The following RHOBTB1 variants were observed in gnomAD, a reference collection of about 807,000 sequenced individuals.
RHOBTB1 encodes rho-related BTB domain-containing protein 1.
A neutral mutation model predicts 71.6 loss-of-function variants in RHOBTB1; 40 were observed. The observed-to-expected ratio is 0.56, with a 90% CI of 0.43 to 0.73. The LOEUF (loss-of-function observed/expected upper bound fraction) is 0.73. Ranked by LOEUF, RHOBTB1 falls within the 30% of genes least tolerant of loss-of-function variation. The probability of loss-of-function intolerance (pLI) is 0.00; values close to 1 mark genes in which losing one functional copy is unlikely to be tolerated. For synonymous variants in RHOBTB1, 319 were observed against 334.9 expected (o/e 0.95, Z 0.52); for missense variants, 797 against 894.0 (o/e 0.89, Z 1.38).
At position 60,905,648 on chromosome 10, in the gene RHOBTB1, G is replaced by T. The variant is rs988876378; in HGVS notation, c.296+5239C>A. On this transcript the variant is annotated intron_variant, in intron 4 of 10. Transcript: ENST00000337910. ...ATTATTTACATTTTATGCCCAAAGC[G>T]AGTGACTCCCTCAGTATGCCCTAGT... Among the ~76,000 whole-genome samples, 9 of 151,936 alleles carry T rather than the reference G, an allele frequency of 5.9e-5. No individual in the cohort carries two copies. In the South Asian group the frequency reaches 1.9e-3, roughly 32 times the overall value.
chr10:60,905,685 TCCAC>T (rs2082643619), intron 4 of RHOBTB1, among the ~76,000 whole-genome samples: 1 of 152,070 alleles, frequency 6.6e-6, no homozygotes, highest in Non-Finnish European at 1.5e-5. Context: ...CTGGCCCTGG[TCCAC>T]CTCCTGGTCC....
intron 1 of RHOBTB1, among the ~76,000 whole-genome samples, chr10:60,991,947 A>G (rs1238353255): frequency 6.6e-6 from 1 of 152,142 alleles, no homozygotes; most frequent in Non-Finnish European, 1.5e-5. Flanking sequence ...CTTCTAGTCC[A>G]TAGGCTAAAT....
chr10:60,979,213 T>C (rs1348651576), intron 2 of RHOBTB1, among the ~76,000 whole-genome samples: 1 of 152,202 alleles, frequency 6.6e-6, no homozygotes, highest in Non-Finnish European at 1.5e-5. Flanking sequence ...TATTTTCATC[T>C]GTATCTACCT....
At chr10:60,876,251 A>G (rs1268277082) in intron 8 of RHOBTB1, among the ~76,000 whole-genome samples, 2 of 152,236 alleles carry the variant, frequency 1.3e-5, no homozygotes, top group Non-Finnish European at 2.9e-5. Context: ...TCTACACTAG[A>G]CAGTACAAAG....
chr10:60,996,406 C>G (rs2135026228), intron 1 of RHOBTB1, among the ~76,000 whole-genome samples: 1 of 152,306 alleles, frequency 6.6e-6, no homozygotes, highest in South Asian at 2.1e-4. Context: ...CTAAATTCTA[C>G]TGCTCTTTAA....
upstream of RHOBTB1, among the ~76,000 whole-genome samples, chr10:60,945,533 C>T (rs2085188082): frequency 6.6e-6 from 1 of 152,092 alleles, no homozygotes; most frequent in Non-Finnish European, 1.5e-5. Context: ...TCCAGGAAAC[C>T]GTCTTCAGTT....
At chr10:60,927,801 T>C (rs1310029569) in intron 2 of RHOBTB1, among the ~76,000 whole-genome samples, 14 of 152,188 alleles carry the variant, frequency 9.2e-5, no homozygotes, top group Non-Finnish European at 1.6e-4. Flanking sequence ...GACATTGGGC[T>C]GGACAAAGAT....
rs2080688732 is a variant in RHOBTB1 at position 60,869,657 on chromosome 10, A to T, written c.*1825T>A. 6.6e-6 allele frequency: 1 copy of T among 152,634 alleles called. No individual in the cohort carries two copies. The highest frequency in any genetic ancestry group is 1.5e-5 in the Non-Finnish European group (1 of 68,044). 9.5% of individuals were successfully genotyped at this position (152,634 alleles called of 1,614,324 possible). ...AATCAAATGGGAGCTTTGGTTGTAA[A>T]ATTTCAACTATGACTACTCATTGAA... On this transcript the variant is annotated 3_prime_UTR_variant, in exon 11 of 11. Coordinates refer to ENST00000337910, the MANE Select transcript of RHOBTB1 (RefSeq NM_014836.5).
At chr10:60,945,059 T>A (rs2085166805), upstream of RHOBTB1, among the ~76,000 whole-genome samples, 1 of 152,126 alleles carries the variant, frequency 6.6e-6, no homozygotes, top group Admixed American at 6.5e-5. Context: ...CCAGGGGTAG[T>A]TTTCATGCAT....
intron 4 of RHOBTB1, among the ~76,000 whole-genome samples, chr10:60,909,582 C>A (rs896258283): frequency 7.2e-5 from 11 of 152,146 alleles, no homozygotes; most frequent in African/African-American, 2.7e-4. Flanking sequence ...ACCTGACTGC[C>A]CAGCAGTTAC....
chr10:60,931,029 T>C (rs925956056), intron 2 of RHOBTB1, among the ~76,000 whole-genome samples: 4 of 152,034 alleles, frequency 2.6e-5, no homozygotes, highest in Non-Finnish European at 4.4e-5. Flanking sequence ...CAACAATACA[T>C]GAAAAACAAA....
At chr10:60,864,210 C>T in the RHOBTB1 span, among the ~76,000 whole-genome samples, 1,054 of 152,264 alleles carry the variant, frequency 6.9e-3, 15 homozygotes, top group African/African-American at 0.024. Flanking sequence ...GAATCTTCAC[C>T]TCAGGCTCTG....
chr10:60,869,175 G>A (rs953262609), downstream of RHOBTB1, among the ~76,000 whole-genome samples: 5 of 152,106 alleles, frequency 3.3e-5, no homozygotes, highest in African/African-American at 4.8e-5. Context: ...CCCCCAACCC[G>A]CTCTCTGGCC....
intron 2 of RHOBTB1, among the ~76,000 whole-genome samples, chr10:60,952,054 T>C (rs1257983455): frequency 6.6e-6 from 1 of 151,806 alleles, no homozygotes; most frequent in Non-Finnish European, 1.5e-5. Context: ...CGAGACTCTG[T>C]CACAGCCCCC....
chr10:60,980,828 A>G (rs962148059), intron 2 of RHOBTB1, among the ~76,000 whole-genome samples: 23 of 152,186 alleles, frequency 1.5e-4, no homozygotes, highest in Non-Finnish European at 1.8e-4. Context: ...TTAAGTTTAG[A>G]ACAAATTGGG....
chr10:60,878,359 G>A (rs547214679), intron 7 of RHOBTB1, among the ~76,000 whole-genome samples: 1 of 152,248 alleles, frequency 6.6e-6, no homozygotes, highest in East Asian at 1.9e-4. Flanking sequence ...GGGCCCTCAT[G>A]CCAAGCACCT....
chr10:60,892,361 G>A (rs1348611357), intron 5 of RHOBTB1, among the ~76,000 whole-genome samples: 1 of 152,132 alleles, frequency 6.6e-6, no homozygotes, highest in African/African-American at 2.4e-5. Flanking sequence ...GTAACAGGTT[G>A]GACTGAGGAA....
intron 2 of RHOBTB1, among the ~76,000 whole-genome samples, chr10:60,934,514 G>A (rs2084454315): frequency 6.6e-6 from 1 of 152,212 alleles, no homozygotes; most frequent in Non-Finnish European, 1.5e-5. Context: ...GAGACTTTGA[G>A]AGATTTCAGT....
intron 2 of RHOBTB1, among the ~76,000 whole-genome samples, chr10:60,918,346 T>A: frequency 6.6e-6 from 1 of 152,166 alleles, no homozygotes; most frequent in East Asian, 1.9e-4. Context: ...ACCTTCAGTC[T>A]TTGCCTTGAT....
Sources: allele counts gnomAD v4.1 joint callset (sites outside exome capture counted in the v4.1 genomes callset), GRCh38; gene constraint gnomAD v4.1.1; transcripts MANE v1.5; gene names NCBI Gene and HGNC (gene_info 2026-07-23, HGNC 2026-07-21).